Variants in TENT5D observed in about 807,000 individuals in gnomAD.
TENT5D encodes terminal nucleotidyltransferase 5D.
For missense variants in TENT5D, 191 were observed against 287.0 expected (o/e 0.67, Z 2.42); for synonymous variants, 103 against 100.6 (o/e 1.02, Z -0.15).
At chrX:80,342,078 A>G (rs1023546901) in intron 2 of TENT5D, among the ~76,000 whole-genome samples, 1 of 111,548 alleles carries the variant, frequency 9.0e-6, no homozygotes, top group Non-Finnish European at 1.9e-5. Flanking sequence ...AATACATATC[A>G]TTTAACCTAC....
chrX:80,347,041 T>C (rs1930077780), intron 3 of TENT5D, among the ~76,000 whole-genome samples: 1 of 111,947 alleles, frequency 8.9e-6, no homozygotes, highest in Non-Finnish European at 1.9e-5. Flanking sequence ...TATTCCGTAG[T>C]GTATATGGGC....
intron 1 of TENT5D, among the ~76,000 whole-genome samples, chrX:80,432,282 G>A (rs1335128744): frequency 8.9e-6 from 1 of 111,956 alleles, no homozygotes; most frequent in Non-Finnish European, 1.9e-5. Context: ...TAACACTGAA[G>A]TGTAGCCTCA....
At chrX:80,437,932 A>C (rs1031436279) in intron 1 of TENT5D, among the ~76,000 whole-genome samples, 10 of 111,495 alleles carry the variant, frequency 9.0e-5, no homozygotes, top group Non-Finnish European at 1.7e-4. Context: ...GGAACTAATT[A>C]GATTTAGGAC....
chrX:80,396,802 C>T lies in TENT5D; in HGVS notation c.-141-41808C>T, dbSNP rs60408365. 5.1e-4 allele frequency among the ~76,000 whole-genome samples: 47 copies of T among 91,793 alleles called. 1 individual carries two copies. In the East Asian group the frequency reaches 8.1e-3, roughly 16 times the overall value. The allele number at this position is 91,793 out of a possible 115,157, so 79.7% of individuals were successfully genotyped here. On this transcript the variant is annotated intron_variant, in intron 3 of 4. Transcript: ENST00000538312. ...TGAGCTGTTGGGTACACCTCCCAGACGGGGTGGTGGCCGGGCAGAGGGGCT... is the reference window on the plus strand; with the variant it reads ...TGAGCTGTTGGGTACACCTCCCAGATGGGGTGGTGGCCGGGCAGAGGGGCT...
At chrX:80,404,658 T>C (rs772607740) in intron 3 of TENT5D, among the ~76,000 whole-genome samples, 30 of 112,043 alleles carry the variant, frequency 2.7e-4, no homozygotes, top group Non-Finnish European at 5.3e-4. Flanking sequence ...TGGCCCTGTG[T>C]TTCACGAATG....
At chrX:80,353,329 A>G (rs750483614) in intron 3 of TENT5D, among the ~76,000 whole-genome samples, 1 of 111,756 alleles carries the variant, frequency 8.9e-6, no homozygotes, top group Non-Finnish European at 1.9e-5. Context: ...TGTTCAATAG[A>G]TAAATTGTGT....
exon 1 of TENT5D, chrX:80,420,477 G>T (rs1931861754): frequency 9.0e-6 from 1 of 111,294 alleles, no homozygotes; most frequent in Admixed American, 9.7e-5. Context: ...AATGTGTGGA[G>T]ATCAGGTGAT....
intron 2 of TENT5D, among the ~76,000 whole-genome samples, chrX:80,441,821 G>A (rs1233826708): frequency 9.1e-6 from 1 of 110,356 alleles, no homozygotes; most frequent in Non-Finnish European, 1.9e-5. Context: ...CTCATTTCAG[G>A]TACAAATTTA....
At chrX:80,365,041 A>G (rs951553182) in intron 3 of TENT5D, among the ~76,000 whole-genome samples, 23 of 110,926 alleles carry the variant, frequency 2.1e-4, no homozygotes, top group Non-Finnish European at 4.1e-4. Context: ...AGCTTCACCT[A>G]TGTAGAACAG....
chrX:80,422,978 T>C (rs1156931913), intron 1 of TENT5D, among the ~76,000 whole-genome samples: 4 of 112,052 alleles, frequency 3.6e-5, no homozygotes, highest in Non-Finnish European at 7.5e-5. Flanking sequence ...CATTTTGGTC[T>C]CACTAGGTGG....
At chrX:80,401,048 A>G (rs1278156968) in intron 3 of TENT5D, among the ~76,000 whole-genome samples, 1 of 111,964 alleles carries the variant, frequency 8.9e-6, no homozygotes, top group Non-Finnish European at 1.9e-5. Context: ...AAATCCACGA[A>G]TGTAAGCTAT....
intron 3 of TENT5D, among the ~76,000 whole-genome samples, chrX:80,370,298 C>G (rs903399354): frequency 9.0e-6 from 1 of 110,956 alleles, no homozygotes; most frequent in African/African-American, 3.3e-5. Flanking sequence ...TGTTTGCATT[C>G]AACTCTGATG....
chrX:80,444,990 A>AT (rs1932356165), exon 3 of TENT5D: 1 of 122,231 alleles, frequency 8.2e-6, no homozygotes, highest in African/African-American at 3.3e-5. Context: ...CTTGGTTATG[A>AT]TTTTTTGTGA....
At chrX:80,366,421 C>A in intron 3 of TENT5D, among the ~76,000 whole-genome samples, 1 of 111,268 alleles carries the variant, frequency 9.0e-6, no homozygotes, top group East Asian at 2.8e-4. Context: ...CTTTTTATTG[C>A]CATGCACTTA....
In TENT5D at chrX:80,365,391, C is replaced by T. The variant is rs1444819034; in HGVS notation, c.-142+22827C>T. ...CACCTGATACAGAGTAAGTATTCTGCTTATTTTCTATGTAAGAAACATCAG... is the reference window on the plus strand; with the variant it reads ...CACCTGATACAGAGTAAGTATTCTGTTTATTTTCTATGTAAGAAACATCAG... On this transcript the variant is annotated intron_variant, in intron 3 of 4. Transcript: ENST00000538312. Among the ~76,000 whole-genome samples, 4 of 111,336 alleles carry T rather than the reference C, an allele frequency of 3.6e-5. No homozygotes were observed. The Admixed American group carries it at 3.8e-4, about 11-fold the overall frequency.
chrX:80,422,014 G>GA (rs1256341101), intron 1 of TENT5D, among the ~76,000 whole-genome samples: 3 of 110,641 alleles, frequency 2.7e-5, no homozygotes, highest in African/African-American at 6.6e-5. Flanking sequence ...TTATTTATAA[G>GA]AAAAAAAGGG....
intron 3 of TENT5D, among the ~76,000 whole-genome samples, chrX:80,382,710 C>CCG (rs1930895841): frequency 9.1e-6 from 1 of 109,545 alleles, no homozygotes; most frequent in Admixed American, 9.7e-5. Flanking sequence ...GGACGCCCCC[C>CCG]CCCCACTGCC....
At chrX:80,411,533 C>T (rs1029895155) in intron 3 of TENT5D, among the ~76,000 whole-genome samples, 36 of 111,885 alleles carry the variant, frequency 3.2e-4, no homozygotes, top group Non-Finnish European at 6.4e-4. Context: ...AAAAATTCCT[C>T]TTTATGTTTA....
intron 3 of TENT5D, among the ~76,000 whole-genome samples, chrX:80,378,638 ATC>A (rs1316119568): frequency 1.8e-5 from 2 of 110,941 alleles, no homozygotes; most frequent in South Asian, 7.7e-4. Context: ...ATTAGGCTAT[ATC>A]TCTGTTTTGG....
Sources: allele counts gnomAD v4.1 joint callset (sites outside exome capture counted in the v4.1 genomes callset), GRCh38; gene constraint gnomAD v4.1.1; transcripts MANE v1.5; gene names NCBI Gene and HGNC (gene_info 2026-07-23, HGNC 2026-07-21).